FAT3: variants seen among roughly 807,000 people sequenced by gnomAD.
FAT3 encodes the protein protocadherin Fat 3.
In FAT3, 95 loss-of-function variants were observed where a neutral mutation model predicts 310.2. That is an observed-to-expected ratio of 0.31 (90% CI 0.26 to 0.36). The LOEUF (loss-of-function observed/expected upper bound fraction) is 0.36. Among genes scored for constraint, FAT3 ranks in the 10% least tolerant of loss-of-function variants. FAT3 has a pLI of 1.00. For missense variants in FAT3, 5,408 were observed against 5,715.6 expected, an observed-to-expected ratio of 0.95 and a Z score of 1.74; for synonymous variants, 2,314 against 2,192.9, an observed-to-expected ratio of 1.06 and a Z score of -1.54.
intron 2 of FAT3, among the ~76,000 whole-genome samples, chr11:92,423,810 G>A (rs939913936): frequency 1.3e-5 from 2 of 152,124 alleles, no homozygotes; most frequent in Non-Finnish European, 2.9e-5. Context: ...TCTTCTTTGG[G>A]AAACCTCAGT....
At chr11:92,649,744 C>T (rs1399041608) in intron 3 of FAT3, among the ~76,000 whole-genome samples, 1 of 151,864 alleles carries the variant, frequency 6.6e-6, no homozygotes, top group Non-Finnish European at 1.5e-5. Context: ...GCCTTAGGTA[C>T]GTTCTTATGT....
chr11:92,824,116 G>A (rs1948041742), intron 13 of FAT3, among the ~76,000 whole-genome samples: 1 of 152,102 alleles, frequency 6.6e-6, no homozygotes, highest in African/African-American at 2.4e-5. Flanking sequence ...CAACACTTTG[G>A]GAGGCTGAGG....
rs370708884 is a variant in FAT3, at chr11:92,397,647, G to A, written c.3292+42243G>A. Among the ~76,000 whole-genome samples the A allele has an allele frequency of 9.2e-5, 14 of 152,092 alleles. No homozygotes were observed. The South Asian group carries it at 2.5e-3, about 27-fold the overall frequency. On this transcript the variant is annotated intron_variant, in intron 2 of 27. Coordinates refer to ENST00000525166, the MANE Select transcript of FAT3 (RefSeq NM_001367949.2). Reference sequence around the variant, plus strand: ...GCATCACCAGATCACCAGCTACTCCGTTTAATTGTGCTGCTCTTTCCACTC... The same window carrying A: ...GCATCACCAGATCACCAGCTACTCCATTTAATTGTGCTGCTCTTTCCACTC...
intron 7 of FAT3, among the ~76,000 whole-genome samples, chr11:92,789,347 T>C (rs1317287838): frequency 6.6e-6 from 1 of 152,158 alleles, no homozygotes; most frequent in Non-Finnish European, 1.5e-5. Flanking sequence ...AAAATTTACG[T>C]AACAAAATGC....
intron 3 of FAT3, among the ~76,000 whole-genome samples, chr11:92,598,226 A>ATTTT (rs1490513946): frequency 1.6e-5 from 2 of 125,660 alleles, no homozygotes; most frequent in African/African-American, 7.4e-5. Context: ...ATATATATAT[A>ATTTT]TATATTTTTT....
At chr11:92,566,982 G>A (rs1330643775) in intron 3 of FAT3, among the ~76,000 whole-genome samples, 1 of 152,086 alleles carries the variant, frequency 6.6e-6, no homozygotes, top group Non-Finnish European at 1.5e-5. Flanking sequence ...CATGGACAAG[G>A]ACTTCATGTC....
At chr11:92,398,407 A>G (rs1034677137) in intron 2 of FAT3, among the ~76,000 whole-genome samples, 17 of 150,548 alleles carry the variant, frequency 1.1e-4, no homozygotes, top group African/African-American at 4.1e-4. Context: ...AGGCTGAGGC[A>G]GGAGAATTGC....
chr11:92,686,272 A>C (rs1003649755), intron 3 of FAT3, among the ~76,000 whole-genome samples: 4 of 152,200 alleles, frequency 2.6e-5, no homozygotes, highest in African/African-American at 9.6e-5. Context: ...AAATAAACAC[A>C]TAAGGTTAAT....
chr11:92,316,284 A>C (rs749674527), intron 1 of FAT3, among the ~76,000 whole-genome samples: 24 of 152,294 alleles, frequency 1.6e-4, no homozygotes, highest in Non-Finnish European at 2.8e-4. Flanking sequence ...GTTTCCTTTC[A>C]CTGAAAAGGA....
intron 3 of FAT3, among the ~76,000 whole-genome samples, chr11:92,672,525 A>G (rs1943160346): frequency 6.6e-6 from 1 of 152,214 alleles, no homozygotes; most frequent in African/African-American, 2.4e-5. Context: ...CCTGGTGACA[A>G]ACAAAGTAGC....
chr11:92,855,042 T>C (rs1275642897), intron 19 of FAT3, among the ~76,000 whole-genome samples: 1 of 152,220 alleles, frequency 6.6e-6, no homozygotes, highest in Admixed American at 6.5e-5. Context: ...GTGATTCATA[T>C]GTGTACATTG....
intron 2 of FAT3, among the ~76,000 whole-genome samples, chr11:92,412,752 C>T (rs11019948): frequency 0.046 from 1,091 of 23,580 alleles, 84 homozygotes; most frequent in Non-Finnish European, 0.059. Flanking sequence ...TATAAATATA[C>T]ATACATATAT....
intron 3 of FAT3, among the ~76,000 whole-genome samples, chr11:92,590,303 A>C (rs1272445676): frequency 6.6e-6 from 1 of 152,170 alleles, no homozygotes; most frequent in East Asian, 1.9e-4. Context: ...TGGCCTTTCA[A>C]ACTTTAGTTG....
intron 3 of FAT3, among the ~76,000 whole-genome samples, chr11:92,589,036 A>G (rs1939293066): frequency 6.6e-6 from 1 of 152,054 alleles, no homozygotes; most frequent in South Asian, 2.1e-4. Context: ...ACTATTCTGA[A>G]TAATTAATCA....
Position 92,849,306 on chromosome 11 carries a change from A to G in FAT3, c.11365+4574A>G, listed in dbSNP as rs146226716. The stretch of plus-strand genomic sequence containing the variant: ...TAATCCAAACTCCCACCCACAGCAG[A>G]CATCCTATTTTCTATATTCCTGGCA... On this transcript the variant is annotated intron_variant, in intron 19 of 27. Coordinates refer to ENST00000525166, the MANE Select transcript of FAT3 (RefSeq NM_001367949.2). Among the ~76,000 whole-genome samples, 1,257 of 152,292 alleles carry G rather than the reference A, an allele frequency of 8.3e-3. 26 individuals carry two copies. Among genetic ancestry groups the G allele is most frequent in the African/African-American group, 0.029 (1,190 of 41,564 alleles).
chr11:92,780,148 G>A (rs1946707564), intron 7 of FAT3, among the ~76,000 whole-genome samples: 2 of 141,854 alleles, frequency 1.4e-5, no homozygotes, highest in South Asian at 4.6e-4. Context: ...TAAGTTTATG[G>A]TAACTTTTTT....
rs570043908 is a variant in FAT3 at position 92,473,505 on chromosome 11, C to T, written c.3293-51129C>T. ...ATTGAGAGTATTTGGAACATCACCT[C>T]ATTTAACTTCACCTGCAAATGTAGT... is the stretch of plus-strand genomic sequence containing the variant. On this transcript the variant is annotated intron_variant, in intron 2 of 27. Transcript: ENST00000525166. Among the ~76,000 whole-genome samples, 58 of 152,304 alleles carry T rather than the reference C, an allele frequency of 3.8e-4. 1 individual carries two copies. Among genetic ancestry groups the T allele is most frequent in the African/African-American group, 1.4e-3 (57 of 41,570 alleles).
intron 3 of FAT3, among the ~76,000 whole-genome samples, chr11:92,639,832 C>T (rs1193430886): frequency 2.0e-5 from 3 of 152,172 alleles, no homozygotes; most frequent in Non-Finnish European, 4.4e-5. Context: ...AGCCACTTTA[C>T]AAGTGTGTTT....
chr11:92,290,840 A>C (rs1591061511), intron 1 of FAT3, among the ~76,000 whole-genome samples: 1 of 152,206 alleles, frequency 6.6e-6, no homozygotes, highest in South Asian at 2.1e-4. Context: ...GAGTAGATTG[A>C]GTTTATGTGG....
Sources: allele counts gnomAD v4.1 joint callset (sites outside exome capture counted in the v4.1 genomes callset), GRCh38; gene constraint gnomAD v4.1.1; transcripts MANE v1.5; gene names NCBI Gene and HGNC (gene_info 2026-07-23, HGNC 2026-07-21).